Variants in RTN4 observed in about 807,000 individuals in gnomAD.
RTN4 encodes reticulon 4, also known as reticulon-4.
Under a neutral mutation model 90.4 loss-of-function variants are expected in RTN4, and 32 were observed. That is an observed-to-expected ratio of 0.35 (90% CI 0.27 to 0.48). The LOEUF is 0.48. RTN4 is among the 20% of genes least tolerant of loss of function. The probability of loss-of-function intolerance (pLI) is 0.99; values close to 1 mark genes in which losing one functional copy is unlikely to be tolerated. For missense variants in RTN4, 1,706 were observed against 1,430.2 expected, an observed-to-expected ratio of 1.19 and a Z score of -3.11; for synonymous variants, 629 against 552.5, an observed-to-expected ratio of 1.14 and a Z score of -1.94.
chr2:55,097,286 A>C, intron 1 of RTN4, among the ~76,000 whole-genome samples: 1 of 140,570 alleles, frequency 7.1e-6, no homozygotes, highest in East Asian at 2.2e-4. Flanking sequence ...TGGATGACAG[A>C]GTGAAATTCT....
chr2:55,022,928 C>CACACACACACAT (rs1396521152), intron 3 of RTN4, among the ~76,000 whole-genome samples: 1 of 151,356 alleles, frequency 6.6e-6, no homozygotes, highest in Non-Finnish European at 1.5e-5. Flanking sequence ...CACACACACA[C>CACACACACACAT]ACCCTGCTCT....
At chr2:55,018,220 A>T (rs1346953643) in intron 3 of RTN4, among the ~76,000 whole-genome samples, 1 of 152,200 alleles carries the variant, frequency 6.6e-6, no homozygotes, top group Admixed American at 6.5e-5. Context: ...TGTTGGTCAG[A>T]AGATGTTCCA....
chr2:55,119,011 T>C, the RTN4 span, among the ~76,000 whole-genome samples: 1 of 152,304 alleles, frequency 6.6e-6, no homozygotes, highest in South Asian at 2.1e-4. Context: ...CAGAGAGATA[T>C]CGGGGGAAGA....
chr2:54,980,619 A>T (rs1319057347), intron 5 of RTN4, among the ~76,000 whole-genome samples: 1 of 152,200 alleles, frequency 6.6e-6, no homozygotes, highest in African/African-American at 2.4e-5. Context: ...TGTTTATTGA[A>T]TCTATAAAAA....
chr2:54,985,191 G>A (rs79624643), intron 4 of RTN4, among the ~76,000 whole-genome samples: 2,980 of 84,250 alleles, frequency 0.035, 59 homozygotes, highest in Admixed American at 0.051. Flanking sequence ...AAAGAGTCTC[G>A]TTCTATTGCT....
At chr2:55,127,910 T>G in the RTN4 span, among the ~76,000 whole-genome samples, 1 of 151,760 alleles carries the variant, frequency 6.6e-6, no homozygotes, top group Non-Finnish European at 1.5e-5. Context: ...CACCTCTCTG[T>G]GATGGCTTTT....
In RTN4 at chr2:55,109,994, G is replaced by C. The variant is rs61495074; in HGVS notation, c.-214+2526C>G. Among the ~76,000 whole-genome samples, 938 of 152,184 alleles carry C rather than the reference G, an allele frequency of 6.2e-3. 67 individuals carry two copies. In the East Asian group the frequency reaches 0.15, roughly 25 times the overall value. The stretch of plus-strand genomic sequence containing the variant: ...AAAAATAAGGGAAGGATGATAAATA[G>C]TGAAAGGAACAAAAGAAATTCTGGA... On this transcript the variant is annotated intron_variant, in intron 1 of 3. Coordinates refer to the RTN4 transcript ENST00000427710.
At chr2:55,022,929 A>ACACACACC (rs1174140956) in intron 3 of RTN4, among the ~76,000 whole-genome samples, 1 of 149,850 alleles carries the variant, frequency 6.7e-6, no homozygotes. Flanking sequence ...ACACACACAC[A>ACACACACC]CCCTGCTCTC....
intron 3 of RTN4, 140 bp downstream of exon 3, chr2:55,024,946 A>C: frequency 9.5e-7 from 1 of 1,053,502 alleles, no homozygotes; most frequent in Non-Finnish European, 1.3e-6. Flanking sequence ...TAAAACCTTT[A>C]ACTGAAAAAG....
rs1420520344 is a variant in RTN4 at position 55,025,537 on chromosome 2, T to C, written c.2562A>G (p.Arg854=). ...ATGAATCTGAAAACGTTTCAGTTTCTCTTATCTGTGCTTCCTTAGAAATAA... is the reference window on the plus strand; with the variant it reads ...ATGAATCTGAAAACGTTTCAGTTTCCCTTATCTGTGCTTCCTTAGAAATAA... The part of the protein sequence containing the change: ...DLFISKEAQI[R]ETETFSDSSP... Residue 854 remains arginine, a synonymous_variant, in exon 3 of 9, where the codon AGA becomes AGG. Coordinates refer to ENST00000337526, the MANE Select transcript of RTN4 (RefSeq NM_020532.5). The C allele has an allele frequency of 1.1e-5, 17 of 1,613,640 alleles. No homozygotes were observed. The African/African-American group carries it at 2.3e-4, about 22-fold the overall frequency.
chr2:55,082,874 A>T (rs1409492021), intron 1 of RTN4, among the ~76,000 whole-genome samples: 1 of 152,180 alleles, frequency 6.6e-6, no homozygotes, highest in Non-Finnish European at 1.5e-5. Context: ...GTCCCAAGTC[A>T]CACAGCTAAG....
chr2:55,007,219 AT>A (rs1335744734), intron 3 of RTN4, among the ~76,000 whole-genome samples: 1 of 151,988 alleles, frequency 6.6e-6, no homozygotes, highest in African/African-American at 2.4e-5. Flanking sequence ...CCTTCCTTGA[AT>A]TTCTCAAATC....
chr2:55,126,748 C>T, the RTN4 span, among the ~76,000 whole-genome samples: 1 of 152,142 alleles, frequency 6.6e-6, no homozygotes, highest in African/African-American at 2.4e-5. Flanking sequence ...CAGCACTGTT[C>T]ACAATAGCAA....
the RTN4 span, among the ~76,000 whole-genome samples, chr2:55,135,792 A>G: frequency 2.0e-5 from 3 of 152,220 alleles, no homozygotes; most frequent in South Asian, 6.2e-4. Context: ...CATTTGCTAG[A>G]ATTTTATGTG....
chr2:55,073,164 T>C (rs1349356368), intron 2 of RTN4, among the ~76,000 whole-genome samples: 1 of 152,244 alleles, frequency 6.6e-6, no homozygotes, highest in Non-Finnish European at 1.5e-5. Flanking sequence ...TAACTAGCCA[T>C]GTGTCTCACA....
At chr2:55,049,007 C>T (rs1297224599) in intron 1 of RTN4, 2 of 695,394 alleles carry the variant, frequency 2.9e-6, no homozygotes, top group African/African-American at 3.9e-5. Context: ...ATCCCCTTTC[C>T]CTGGCTCGGT....
chr2:55,048,245 G>GT (rs1410382557), intron 1 of RTN4, among the ~76,000 whole-genome samples: 5 of 152,234 alleles, frequency 3.3e-5, no homozygotes, highest in African/African-American at 2.4e-5. Flanking sequence ...TGCTGTGGAC[G>GT]TGAGTAGTGA....
chr2:55,122,761 C>T, the RTN4 span, among the ~76,000 whole-genome samples: 1 of 152,184 alleles, frequency 6.6e-6, no homozygotes, highest in African/African-American at 2.4e-5. Context: ...AGAAACTCCA[C>T]ATGGAAGCAC....
chr2:55,033,137 T>C (rs1682444238), intron 1 of RTN4, among the ~76,000 whole-genome samples: 3 of 148,924 alleles, frequency 2.0e-5, no homozygotes, highest in East Asian at 2.0e-4. Flanking sequence ...CAAAGCTCAA[T>C]GTACTCCAAG....
Sources: gnomAD v4.1 joint callset for allele counts (sites outside exome capture counted in the v4.1 genomes callset) on GRCh38, gnomAD v4.1.1 for gene constraint, MANE v1.5 for transcripts, NCBI Gene and HGNC (gene_info 2026-07-23, HGNC 2026-07-21) for gene names.